Variants in EXOC6 observed in about 807,000 individuals in gnomAD.
EXOC6 encodes the protein SEC15-like 1.
EXOC6 carries 60 observed loss-of-function variants against 112.5 expected under a neutral mutation model. The observed-to-expected ratio is 0.53, with a 90% CI of 0.43 to 0.66. The LOEUF (loss-of-function observed/expected upper bound fraction) is 0.66, where lower values mean the gene tolerates loss of function less well. Among genes scored for constraint, EXOC6 ranks in the 30% least tolerant of loss-of-function variants. The pLI, the probability that EXOC6 is intolerant of heterozygous loss-of-function variation, is 0.00. For missense variants in EXOC6, 855 were observed against 957.1 expected (o/e 0.89, Z 1.41); for synonymous variants, 295 against 308.0 (o/e 0.96, Z 0.44).
chr10:92,882,060 T>C (rs1396892348), intron 1 of EXOC6, among the ~76,000 whole-genome samples: 1 of 152,134 alleles, frequency 6.6e-6, no homozygotes, highest in African/African-American at 2.4e-5. Flanking sequence ...AATCAGAGAA[T>C]GTTATGGGAA....
chr10:92,931,372 GAAC>G (rs1410223366), intron 9 of EXOC6, among the ~76,000 whole-genome samples: 1 of 151,088 alleles, frequency 6.6e-6, no homozygotes, highest in African/African-American at 2.4e-5. Context: ...GTGTATATAA[GAAC>G]AACTGTCAGG....
At chr10:92,946,333 G>A (rs900841583) in intron 13 of EXOC6, among the ~76,000 whole-genome samples, 2 of 151,944 alleles carry the variant, frequency 1.3e-5, no homozygotes, top group Non-Finnish European at 2.9e-5. Context: ...GGCTGAGGCT[G>A]CAGTGAGCCG....
chr10:92,894,760 A>G, intron 2 of EXOC6, 34 bp from the exon 3 acceptor site: 1 of 1,597,628 alleles, frequency 6.3e-7, no homozygotes, highest in Non-Finnish European at 8.6e-7. Context: ...TTTTATGCAT[A>G]TTTGTCTAAC....
chr10:92,918,438 G>A (rs1851238108), intron 7 of EXOC6, among the ~76,000 whole-genome samples: 1 of 148,042 alleles, frequency 6.8e-6, no homozygotes, highest in Non-Finnish European at 1.5e-5. Flanking sequence ...TTTTGAGACA[G>A]GGTCTTACTC....
In EXOC6 at chr10:92,930,250, C is replaced by A. The variant is rs1589851822; in HGVS notation, c.972+1828C>A. ...GGGTGCAGTGGCTCACGCCTGTAAT[C>A]CCAGCGCTTTGGGAGGCTGAGGCAG... is the stretch of plus-strand genomic sequence containing the variant. On this transcript the variant is annotated intron_variant, in intron 9 of 21. Transcript: ENST00000260762. 3.3e-5 allele frequency among the ~76,000 whole-genome samples: 5 copies of A among 152,316 alleles called. No homozygotes were observed. In the South Asian group the frequency reaches 1.0e-3, roughly 32 times the overall value.
At chr10:93,028,834 C>CA (rs59650538) in intron 20 of EXOC6, among the ~76,000 whole-genome samples, 15,325 of 78,440 alleles carry the variant, frequency 0.2, 1,231 homozygotes, top group Non-Finnish European at 0.24. Flanking sequence ...AACTCCATCT[C>CA]AAAAAAAAAA....
At chr10:92,925,881 A>T (rs944751131) in intron 8 of EXOC6, among the ~76,000 whole-genome samples, 1 of 151,972 alleles carries the variant, frequency 6.6e-6, no homozygotes, top group Non-Finnish European at 1.5e-5. Flanking sequence ...TAGGCTGATC[A>T]TGAACTCCTG....
intron 1 of EXOC6, among the ~76,000 whole-genome samples, chr10:92,893,009 A>G (rs528347481): frequency 6.6e-6 from 1 of 152,310 alleles, no homozygotes; most frequent in East Asian, 1.9e-4. Flanking sequence ...TGCTGTAAAA[A>G]TCATGAGTTT....
chr10:93,044,476 A>G (rs1022035713), intron 20 of EXOC6, among the ~76,000 whole-genome samples: 5 of 152,340 alleles, frequency 3.3e-5, no homozygotes, highest in Middle Eastern at 3.4e-3. Context: ...AACAGAGACC[A>G]CAGAGATCCT....
intron 1 of EXOC6, among the ~76,000 whole-genome samples, chr10:92,858,495 TC>T (rs1230437329): frequency 2.6e-5 from 4 of 152,202 alleles, no homozygotes; most frequent in African/African-American, 9.7e-5. Context: ...TCTTGTATAT[TC>T]ACTGATTCTT....
intron 17 of EXOC6, among the ~76,000 whole-genome samples, chr10:92,964,556 A>G (rs1303803175): frequency 6.6e-6 from 1 of 152,204 alleles, no homozygotes; most frequent in Admixed American, 6.5e-5. Context: ...AAAAATATAC[A>G]TGTATTTCCC....
intron 1 of EXOC6, among the ~76,000 whole-genome samples, chr10:92,867,280 A>T (rs1173522642): frequency 1.3e-5 from 2 of 152,210 alleles, no homozygotes. Context: ...TCATCCGTCT[A>T]TAAGGATCAC....
intron 14 of EXOC6, among the ~76,000 whole-genome samples, chr10:92,949,687 G>A (rs1269840506): frequency 1.3e-5 from 2 of 151,796 alleles, no homozygotes; most frequent in African/African-American, 4.8e-5. Context: ...CTGCCTCCTG[G>A]GTTCAAGTGA....
chr10:92,888,054 CTT>C (rs944019556), intron 1 of EXOC6, among the ~76,000 whole-genome samples: 2 of 152,104 alleles, frequency 1.3e-5, no homozygotes, highest in Non-Finnish European at 2.9e-5. Flanking sequence ...CAGCCTGAGA[CTT>C]TGTAATAGAT....
intron 12 of EXOC6, 38 bp downstream of exon 12, chr10:92,935,923 A>G: frequency 1.5e-6 from 2 of 1,303,528 alleles, no homozygotes. Context: ...TATTCTGATC[A>G]CTTAAAAACA....
intron 18 of EXOC6, among the ~76,000 whole-genome samples, chr10:92,994,200 G>A (rs1252985979): frequency 6.6e-6 from 1 of 152,224 alleles, no homozygotes; most frequent in Non-Finnish European, 1.5e-5. Flanking sequence ...AATGATGAAA[G>A]CTGTTTTTGA....
intron 1 of EXOC6, among the ~76,000 whole-genome samples, chr10:92,856,058 T>C (rs1364131319): frequency 3.3e-5 from 5 of 151,898 alleles, no homozygotes; most frequent in Non-Finnish European, 5.9e-5. Context: ...AGAGATAGGG[T>C]TTGCCACGTT....
intron 1 of EXOC6, among the ~76,000 whole-genome samples, chr10:92,871,959 C>CTAG (rs548639210): frequency 1.8e-4 from 28 of 151,804 alleles, no homozygotes; most frequent in African/African-American, 6.5e-4. Flanking sequence ...GTTTGGTTAA[C>CTAG]TAGTGGTTTG....
chr10:92,873,190 A>G (rs1384872689), intron 1 of EXOC6, among the ~76,000 whole-genome samples: 2 of 152,206 alleles, frequency 1.3e-5, no homozygotes, highest in East Asian at 1.9e-4. Flanking sequence ...TTGGTCAGGA[A>G]TGTAAAAACA....
Sources: allele counts gnomAD v4.1 joint callset (sites outside exome capture counted in the v4.1 genomes callset), GRCh38; gene constraint gnomAD v4.1.1; transcripts MANE v1.5; gene names NCBI Gene and HGNC (gene_info 2026-07-23, HGNC 2026-07-21).